Variants in NTM observed in about 807,000 individuals in gnomAD.
NTM encodes IgLON family member 2.
Under a neutral mutation model 42.1 loss-of-function variants are expected in NTM, and 13 were observed. That is an observed-to-expected ratio of 0.31 (90% CI 0.20 to 0.49). The LOEUF (loss-of-function observed/expected upper bound fraction) is 0.49. NTM is among the 20% of genes least tolerant of loss of function. NTM has a pLI of 0.99. For missense variants in NTM, 373 were observed against 452.8 expected (o/e 0.82, Z 1.60); for synonymous variants, 187 against 179.2 (o/e 1.04, Z -0.35).
chr11:132,331,772 G>T (rs777978865), intron 8 of NTM, among the ~76,000 whole-genome samples: 3 of 152,228 alleles, frequency 2.0e-5, no homozygotes, highest in Non-Finnish European at 4.4e-5. Flanking sequence ...CCTGCAAGAG[G>T]TGCTGAAGGC....
intron 2 of NTM, among the ~76,000 whole-genome samples, chr11:132,103,863 C>A (rs887538532): frequency 4.6e-5 from 7 of 152,210 alleles, no homozygotes; most frequent in African/African-American, 1.4e-4. Context: ...GCCTGACACA[C>A]AACAGAGGGT....
At chr11:132,168,375 C>T (rs1014278255) in intron 3 of NTM, among the ~76,000 whole-genome samples, 1 of 152,170 alleles carries the variant, frequency 6.6e-6, no homozygotes, top group Admixed American at 6.5e-5. Context: ...GGTCCATTTG[C>T]CTCTACTCTA....
intron 1 of NTM, among the ~76,000 whole-genome samples, chr11:131,375,422 G>A (rs889234960): frequency 3.3e-5 from 5 of 152,230 alleles, no homozygotes; most frequent in African/African-American, 1.2e-4. Flanking sequence ...AAGAAAGCAT[G>A]CAGTAATAAA....
chr11:131,763,709 C>CTCTTTTTTTTTT (rs2084620795), intron 1 of NTM, among the ~76,000 whole-genome samples: 7 of 71,378 alleles, frequency 9.8e-5, no homozygotes, highest in African/African-American at 3.4e-4. Context: ...ATCTCTCTCT[C>CTCTTTTTTTTTT]TTTTTTTTTT....
intron 4 of NTM, among the ~76,000 whole-genome samples, chr11:132,280,024 TAGTC>T (rs936160668): frequency 6.6e-6 from 1 of 152,236 alleles, no homozygotes; most frequent in African/African-American, 2.4e-5. Flanking sequence ...ACTTCATTGA[TAGTC>T]TGTCTCCAGC....
At chr11:132,330,213 C>A in intron 8 of NTM, 28 bp downstream of exon 8, 1 of 1,547,094 alleles carries the variant, frequency 6.5e-7, no homozygotes, top group Non-Finnish European at 8.7e-7. Flanking sequence ...ACAGCTGCTG[C>A]CTTGGTGGGT....
chr11:131,988,418 G>T (rs888352410), intron 2 of NTM, among the ~76,000 whole-genome samples: 119 of 152,306 alleles, frequency 7.8e-4, no homozygotes, highest in Non-Finnish European at 1.1e-3. Flanking sequence ...GGTCTGATCT[G>T]GCATCCTGGG....
chr11:131,424,558 C>CTAG (rs1555108073), intron 1 of NTM, among the ~76,000 whole-genome samples: 1 of 131,006 alleles, frequency 7.6e-6, no homozygotes, highest in Non-Finnish European at 1.6e-5. Context: ...AAGTTACCGT[C>CTAG]TAGTTTGCAA....
chr11:132,069,312 A>G (rs1308446310), intron 2 of NTM, among the ~76,000 whole-genome samples: 76 of 146,892 alleles, frequency 5.2e-4, no homozygotes, highest in African/African-American at 1.8e-3. Context: ...CACACTGACC[A>G]TCACAGGTTA....
intron 3 of NTM, among the ~76,000 whole-genome samples, chr11:132,200,527 C>A (rs1316161189): frequency 4.6e-5 from 7 of 152,206 alleles, no homozygotes. Flanking sequence ...CTTCTTACTG[C>A]AGTCAGCATA....
chr11:132,168,647 T>G (rs1414983268), intron 3 of NTM, among the ~76,000 whole-genome samples: 1 of 152,238 alleles, frequency 6.6e-6, no homozygotes, highest in East Asian at 1.9e-4. Context: ...GATTTTCTGT[T>G]GCATTATTAA....
intron 1 of NTM, among the ~76,000 whole-genome samples, chr11:131,402,395 A>G (rs1945340986): frequency 1.7e-5 from 1 of 57,678 alleles, no homozygotes; most frequent in Non-Finnish European, 5.0e-5. Flanking sequence ...AAACTAAGTC[A>G]TAAAAAAAAA....
At chr11:131,841,198 C>T (rs2044196295) in intron 1 of NTM, among the ~76,000 whole-genome samples, 1 of 152,162 alleles carries the variant, frequency 6.6e-6, no homozygotes, top group Non-Finnish European at 1.5e-5. Context: ...AAACCAATAG[C>T]TATAATAAAT....
chr11:132,222,485 GTC>G (rs2085366757), intron 4 of NTM, among the ~76,000 whole-genome samples: 1 of 152,150 alleles, frequency 6.6e-6, no homozygotes. Flanking sequence ...TTCCCCACCT[GTC>G]TTTGTGGGAG....
chr11:131,370,966 G>T, intron 1 of NTM, 78 bp downstream of exon 1: 1 of 1,596,120 alleles, frequency 6.3e-7, no homozygotes, highest in Non-Finnish European at 8.5e-7. Flanking sequence ...CAGACTCCCC[G>T]AGTCGGCTGT....
At chr11:131,982,729 C>T (rs2065448680) in intron 2 of NTM, among the ~76,000 whole-genome samples, 1 of 152,200 alleles carries the variant, frequency 6.6e-6, no homozygotes, top group African/African-American at 2.4e-5. Flanking sequence ...TCATAAAGGA[C>T]TCAGGCTGTG....
intron 2 of NTM, among the ~76,000 whole-genome samples, chr11:132,111,981 C>G (rs1239787259): frequency 6.6e-6 from 1 of 152,248 alleles, no homozygotes; most frequent in South Asian, 2.1e-4. Flanking sequence ...CTTTTCTCAA[C>G]AGAGGCTAGA....
intron 1 of NTM, among the ~76,000 whole-genome samples, chr11:131,864,617 A>G (rs2046958177): frequency 1.3e-5 from 2 of 152,070 alleles, no homozygotes; most frequent in Non-Finnish European, 2.9e-5. Context: ...GAGTAGCAAT[A>G]CCCTCTTTCT....
At position 132,002,077 on chromosome 11, in the gene NTM, G is replaced by A. The variant is rs796552709; in HGVS notation, c.167+90429G>A. ...AATCAGTTAATGAATTAGGCTCACA[G>A]GGGTGGAGAGTTGATGCTGTCCATG... is the stretch of plus-strand genomic sequence containing the variant. On this transcript the variant is annotated intron_variant, in intron 2 of 8. Transcript: ENST00000683400. This position sits in a 1 kb window ranked among gnomAD's most constrained non-coding sequence, Gnocchi z 4.5. Among the ~76,000 whole-genome samples, 6 of 152,306 alleles carry A rather than the reference G, an allele frequency of 3.9e-5. No individual in the cohort carries two copies. The highest frequency in any genetic ancestry group is 9.6e-5 in the African/African-American group (4 of 41,572).
Sources: allele counts gnomAD v4.1 joint callset (sites outside exome capture counted in the v4.1 genomes callset), GRCh38; gene constraint gnomAD v4.1.1; non-coding constraint Gnocchi (gnomAD v3.1); transcripts MANE v1.5; gene names NCBI Gene and HGNC (gene_info 2026-07-23, HGNC 2026-07-21).